Variants in EXOC6B observed in about 807,000 individuals in gnomAD.
The protein encoded by EXOC6B is SEC15 homolog B.
A neutral mutation model predicts 113.5 loss-of-function variants in EXOC6B; 54 were observed. The observed-to-expected ratio is 0.48, with a 90% CI of 0.38 to 0.60. The LOEUF (loss-of-function observed/expected upper bound fraction) is 0.60, where lower values mean the gene tolerates loss of function less well. Ranked by LOEUF, EXOC6B falls within the 20% of genes least tolerant of loss-of-function variation. The pLI is 0.00. For synonymous variants in EXOC6B, 357 were observed against 339.0 expected (o/e 1.05, Z -0.58); for missense variants, 797 against 977.5 (o/e 0.82, Z 2.46).
At chr2:72,409,556 T>C (rs958352476) in intron 18 of EXOC6B, among the ~76,000 whole-genome samples, 8 of 152,186 alleles carry the variant, frequency 5.3e-5, no homozygotes, top group Non-Finnish European at 1.0e-4. Context: ...GATGAGTTCA[T>C]GTCCTTTGTA....
chr2:72,223,254 A>C (rs1469778677), intron 20 of EXOC6B, among the ~76,000 whole-genome samples: 2 of 152,232 alleles, frequency 1.3e-5, no homozygotes, highest in African/African-American at 4.8e-5. Context: ...AACAAAACAC[A>C]AAGACTCATT....
chr2:72,401,510 T>A (rs1263284310), intron 18 of EXOC6B, among the ~76,000 whole-genome samples: 2 of 41,746 alleles, frequency 4.8e-5, no homozygotes, highest in African/African-American at 4.9e-4. Context: ...TATATATATA[T>A]ATATACATAT....
chr2:72,241,249 G>A (rs558254953), intron 20 of EXOC6B, among the ~76,000 whole-genome samples: 24 of 152,178 alleles, frequency 1.6e-4, no homozygotes, highest in African/African-American at 5.5e-4. Context: ...CCTTTGATGG[G>A]GTCCTCAATA....
chr2:72,805,954 A>C (rs1685556460), intron 1 of EXOC6B, among the ~76,000 whole-genome samples: 2 of 152,184 alleles, frequency 1.3e-5, no homozygotes, highest in Non-Finnish European at 2.9e-5. Flanking sequence ...GTCACAAATG[A>C]CAGGATTTCC....
intron 1 of EXOC6B, among the ~76,000 whole-genome samples, chr2:72,782,460 CTG>C (rs1362652276): frequency 3.3e-5 from 5 of 152,084 alleles, no homozygotes; most frequent in Non-Finnish European, 5.9e-5. Context: ...CACGTATAGA[CTG>C]TGTAATGATT....
chr2:72,709,057 A>T lies in EXOC6B; in HGVS notation c.669+9046T>A, dbSNP rs374616973. Among the ~76,000 whole-genome samples, 316 of 138,858 alleles carry T rather than the reference A, an allele frequency of 2.3e-3. 2 individuals carry two copies. Among genetic ancestry groups the T allele is most frequent in the Middle Eastern group, 0.014 (4 of 280 alleles). The allele number at this position is 138,858 out of a possible 152,430, so 91.1% of individuals were successfully genotyped here. ...CAAGTACAGCTTATAATTAAAATTT[A>T]AAAAAAAAAACTACTTTAGGGTTAT... On this transcript the variant is annotated intron_variant, in intron 6 of 21. Coordinates refer to ENST00000272427, the MANE Select transcript of EXOC6B (RefSeq NM_015189.3).
rs575873187 is a variant in EXOC6B, at chr2:72,490,986, A to C, written c.1665+1332T>G. Among the ~76,000 whole-genome samples the C allele has an allele frequency of 2.2e-4, 33 of 152,264 alleles. 1 individual carries two copies. Among genetic ancestry groups the C allele is most frequent in the African/African-American group, 7.0e-4 (29 of 41,588 alleles). On this transcript the variant is annotated intron_variant, in intron 16 of 21. Transcript: ENST00000272427. ...AGTTACATGAAGAGTTATAATGAAG[A>C]GATAGTTCACAAAATAAATAATAAA...
Position 72,539,606 on chromosome 2 carries a change from A to G in EXOC6B, c.915+19847T>C, listed in dbSNP as rs923078612. On this transcript the variant is annotated intron_variant, in intron 8 of 21. Coordinates refer to ENST00000272427, the MANE Select transcript of EXOC6B (RefSeq NM_015189.3). ...GATGTTTGCTGGCTTTCCTTGTTAC[A>G]TTAATCACCAGATTCTCATTTCAAC... Among the ~76,000 whole-genome samples, 11 of 152,238 alleles carry G rather than the reference A, an allele frequency of 7.2e-5. 1 individual carries two copies. The East Asian group carries it at 1.5e-3, about 21-fold the overall frequency.
At chr2:72,708,027 A>G (rs929473053) in intron 6 of EXOC6B, among the ~76,000 whole-genome samples, 1 of 152,150 alleles carries the variant, frequency 6.6e-6, no homozygotes, top group Non-Finnish European at 1.5e-5. Context: ...GGATCAATAC[A>G]CTTGACTCTA....
chr2:72,452,278 C>G (rs571074892), intron 18 of EXOC6B, among the ~76,000 whole-genome samples: 1 of 152,200 alleles, frequency 6.6e-6, no homozygotes, highest in East Asian at 1.9e-4. Context: ...GCATGATGTC[C>G]CTGTTAGACA....
At chr2:72,635,329 T>C (rs533999871) in intron 6 of EXOC6B, among the ~76,000 whole-genome samples, 2 of 151,536 alleles carry the variant, frequency 1.3e-5, no homozygotes, top group South Asian at 4.2e-4. Context: ...AGACTGACAA[T>C]GAAAAAAAGA....
At chr2:72,652,839 T>C (rs925801646) in intron 6 of EXOC6B, among the ~76,000 whole-genome samples, 1 of 148,726 alleles carries the variant, frequency 6.7e-6, no homozygotes, top group African/African-American at 2.4e-5. Flanking sequence ...TAATATATAA[T>C]CACAAAGAAA....
intron 18 of EXOC6B, among the ~76,000 whole-genome samples, chr2:72,413,783 G>A (rs953560404): frequency 2.6e-5 from 4 of 152,050 alleles, no homozygotes; most frequent in African/African-American, 9.7e-5. Flanking sequence ...TCACACTTCA[G>A]CCTTCTGAGT....
intron 20 of EXOC6B, among the ~76,000 whole-genome samples, chr2:72,215,825 T>C (rs1032238603): frequency 6.6e-6 from 1 of 152,004 alleles, no homozygotes; most frequent in African/African-American, 2.4e-5. Flanking sequence ...AGGAGATGTA[T>C]AGTAGTCACT....
chr2:72,757,670 T>C (rs1467755867), intron 1 of EXOC6B, among the ~76,000 whole-genome samples: 5 of 152,206 alleles, frequency 3.3e-5, no homozygotes, highest in African/African-American at 1.2e-4. Flanking sequence ...TATTACCAAA[T>C]AAACTCTTTT....
At chr2:72,623,759 G>A (rs1368484863) in intron 6 of EXOC6B, among the ~76,000 whole-genome samples, 2 of 151,962 alleles carry the variant, frequency 1.3e-5, no homozygotes, top group East Asian at 1.9e-4. Context: ...TATTCAAAAG[G>A]TTCAAAAAGT....
chr2:72,370,562 T>C (rs1240317799), intron 19 of EXOC6B, among the ~76,000 whole-genome samples: 3 of 152,106 alleles, frequency 2.0e-5, no homozygotes, highest in Non-Finnish European at 4.4e-5. Flanking sequence ...CACATGCACA[T>C]GTATGTTTAT....
intron 1 of EXOC6B, among the ~76,000 whole-genome samples, chr2:72,779,359 T>A (rs974068360): frequency 6.6e-6 from 1 of 151,752 alleles, no homozygotes; most frequent in Non-Finnish European, 1.5e-5. Context: ...AAAATATATA[T>A]AACATTATGT....
At chr2:72,571,038 T>C (rs779503864) in intron 7 of EXOC6B, among the ~76,000 whole-genome samples, 2 of 152,198 alleles carry the variant, frequency 1.3e-5, no homozygotes, top group Non-Finnish European at 2.9e-5. Flanking sequence ...TCAAAACTAA[T>C]ATGTTATCTT....
Sources: allele counts gnomAD v4.1 joint callset (sites outside exome capture counted in the v4.1 genomes callset), GRCh38; gene constraint gnomAD v4.1.1; transcripts MANE v1.5; gene names NCBI Gene and HGNC (gene_info 2026-07-23, HGNC 2026-07-21).